Variants in BRAF observed in about 807,000 individuals in gnomAD.
BRAF encodes B-Raf proto-oncogene, serine/threonine kinase, also known as serine/threonine-protein kinase B-raf.
BRAF carries 16 observed loss-of-function variants against 104.6 expected under a neutral mutation model. That is an observed-to-expected ratio of 0.15 (90% CI 0.10 to 0.23). The LOEUF (loss-of-function observed/expected upper bound fraction) is 0.23, where lower values mean the gene tolerates loss of function less well. Among genes scored for constraint, BRAF ranks in the 10% least tolerant of loss-of-function variants. The pLI, the probability that BRAF is intolerant of heterozygous loss-of-function variation, is 1.00. For missense variants in BRAF, 541 were observed against 937.3 expected (o/e 0.58, Z 5.52); for synonymous variants, 310 against 341.6 (o/e 0.91, Z 1.02).
At chr7:140,919,356 A>G (rs191089626) in intron 1 of BRAF, among the ~76,000 whole-genome samples, 5 of 152,266 alleles carry the variant, frequency 3.3e-5, no homozygotes, top group Admixed American at 3.3e-4. Flanking sequence ...ATTGAGTTCA[A>G]AGCAATTTTT....
In BRAF at chr7:140,924,162, G is replaced by A. The variant is rs1322299885; in HGVS notation, c.138+404C>T. On this transcript the variant is annotated intron_variant, in intron 1 of 19. Coordinates refer to ENST00000644969, the MANE Select transcript of BRAF (RefSeq NM_001374258.1). This position sits in a 1 kb window ranked among gnomAD's most constrained non-coding sequence, Gnocchi z 4.2. ...ATTACACGCGACAGTAACTCGGGCT[G>A]TTGTCTCAGCCCCAGCAACTAACCT... 6.6e-6 allele frequency among the ~76,000 whole-genome samples: 1 copy of A among 152,182 alleles called. No individual in the cohort carries two copies.
intron 11 of BRAF, among the ~76,000 whole-genome samples, chr7:140,782,683 T>C (rs1427997501): frequency 6.6e-6 from 1 of 152,182 alleles, no homozygotes; most frequent in Non-Finnish European, 1.5e-5. Flanking sequence ...ATTTTTTAAA[T>C]AGGGAAGAAT....
At chr7:140,840,465 T>C (rs941951168) in intron 2 of BRAF, among the ~76,000 whole-genome samples, 1 of 151,942 alleles carries the variant, frequency 6.6e-6, no homozygotes, top group South Asian at 2.1e-4. Context: ...GAGAAAATAT[T>C]TGCAAGTCAT....
chr7:140,736,050 G>A (rs546147110), intron 18 of BRAF, among the ~76,000 whole-genome samples: 1 of 150,818 alleles, frequency 6.6e-6, no homozygotes, highest in African/African-American at 2.4e-5. Context: ...ACCACTGTTA[G>A]AGTCTATACT....
At chr7:140,728,189 A>T (rs1220158305) in intron 19 of BRAF, among the ~76,000 whole-genome samples, 1 of 152,152 alleles carries the variant, frequency 6.6e-6, no homozygotes, top group East Asian at 1.9e-4. Context: ...TCCAATTCTC[A>T]TGATAACCCT....
chr7:140,781,788 T>C (rs893493040), intron 11 of BRAF, 95 bp from the exon 11 acceptor site: 11 of 985,232 alleles, frequency 1.1e-5, no homozygotes, highest in African/African-American at 1.6e-5. Flanking sequence ...CTGAGAGGGA[T>C]ACAGGAAGAG....
intron 3 of BRAF, among the ~76,000 whole-genome samples, chr7:140,819,821 G>A (rs1207584150): frequency 1.3e-5 from 2 of 152,170 alleles, no homozygotes; most frequent in Non-Finnish European, 2.9e-5. Flanking sequence ...GTTACATAGG[G>A]ATGGGAGGAA....
At chr7:140,776,853 A>G in intron 14 of BRAF, 59 bp downstream of exon 13, 1 of 1,539,926 alleles carries the variant, frequency 6.5e-7, no homozygotes, top group South Asian at 1.1e-5. Context: ...CAAAACCTTT[A>G]AAACATCCTC....
Position 140,725,234 on chromosome 7 carries a change from G to C in BRAF, c.*1260C>G. The C allele has an allele frequency of 9.6e-7, 1 of 1,044,232 alleles. No homozygotes were observed. Among genetic ancestry groups the C allele is most frequent in the Non-Finnish European group, 1.2e-6 (1 of 865,772 alleles). The allele number at this position is 1,044,232 out of a possible 1,614,324, so 64.7% of individuals were successfully genotyped here. On this transcript the variant is annotated 3_prime_UTR_variant, in exon 20 of 20. Coordinates refer to ENST00000644969, the MANE Select transcript of BRAF (RefSeq NM_001374258.1). ...ATATAGTGTTAGGAATCAGTTGGAA[G>C]AAACAATGAGATTATTAGCAAAGAT...
At chr7:140,750,100 T>C (rs770568543) in intron 16 of BRAF, among the ~76,000 whole-genome samples, 5 of 152,256 alleles carry the variant, frequency 3.3e-5, no homozygotes, top group Non-Finnish European at 5.9e-5. Context: ...TCAGTCATTG[T>C]ATTGCACAAT....
At position 140,720,469 on chromosome 7, in the gene BRAF, C is replaced by T; in HGVS notation, c.*6025G>A. ...TTGGTCATTAACATGAATAAAAAGG[C>T]ATTATATGTTGATATAGCTGGTTTT... On this transcript the variant is annotated 3_prime_UTR_variant, in exon 20 of 20. Transcript: ENST00000644969. The T allele has an allele frequency of 9.4e-7, 1 of 1,063,692 alleles. No homozygotes were observed. Among genetic ancestry groups the T allele is most frequent in the Non-Finnish European group, 1.1e-6 (1 of 878,364 alleles). 65.9% of individuals were successfully genotyped at this position (1,063,692 alleles called of 1,614,324 possible). A position where few individuals can be genotyped will look rare whatever the true frequency, so the allele number is the denominator to read the frequency against.
At chr7:140,835,711 A>C (rs1807255175) in intron 2 of BRAF, 1 of 152,220 alleles carries the variant, frequency 6.6e-6, no homozygotes, top group African/African-American at 2.4e-5. Flanking sequence ...CAACCATACA[A>C]GATATCAAAT....
At chr7:140,811,571 T>G (rs1804269167) in intron 3 of BRAF, among the ~76,000 whole-genome samples, 1 of 152,206 alleles carries the variant, frequency 6.6e-6, no homozygotes, top group African/African-American at 2.4e-5. Context: ...GGATTTGATC[T>G]TATTTATACC....
chr7:140,809,058 T>A, intron 3 of BRAF, 63 bp from the exon 4 acceptor site: 1 of 1,343,196 alleles, frequency 7.4e-7, no homozygotes, highest in Non-Finnish European at 1.1e-6. Flanking sequence ...TTCATATCAT[T>A]AAAAAAATTT....
At chr7:140,825,040 GGCTCA>G (rs1401422836) in intron 3 of BRAF, among the ~76,000 whole-genome samples, 7 of 149,576 alleles carry the variant, frequency 4.7e-5, no homozygotes, top group African/African-American at 7.4e-5. Flanking sequence ...GCGCAATCTC[GGCTCA>G]CTGCAACCTC....
chr7:140,876,666 C>T (rs192397417), intron 1 of BRAF, among the ~76,000 whole-genome samples: 27 of 152,168 alleles, frequency 1.8e-4, no homozygotes, highest in Non-Finnish European at 3.5e-4. Context: ...TAAAAACTTA[C>T]AGAACATTAC....
In BRAF at chr7:140,872,524, A is replaced by G. The variant is rs149747914; in HGVS notation, c.139-22312T>C. Among the ~76,000 whole-genome samples, 527 of 152,266 alleles carry G rather than the reference A, an allele frequency of 3.5e-3. 3 individuals carry two copies. The highest frequency in any genetic ancestry group is 0.012 in the African/African-American group (501 of 41,562). ...AATTTCTCCTTGAGCCAAAAGGCAA[A>G]TAAGAGTCTTCAGAACCAAAGTTCC... is the stretch of plus-strand genomic sequence containing the variant. On this transcript the variant is annotated intron_variant, in intron 1 of 19. Transcript: ENST00000644969.
At chr7:140,884,375 C>G (rs1472639641) in intron 1 of BRAF, among the ~76,000 whole-genome samples, 1 of 150,448 alleles carries the variant, frequency 6.6e-6, no homozygotes, top group Non-Finnish European at 1.5e-5. Flanking sequence ...AAATCAGCTC[C>G]CCATTACAGG....
chr7:140,744,333 C>A (rs1009072100), intron 17 of BRAF, among the ~76,000 whole-genome samples: 1 of 152,278 alleles, frequency 6.6e-6, no homozygotes, highest in African/African-American at 2.4e-5. Context: ...CACATTGCTA[C>A]TGGAAGCTCT....
Sources: gnomAD v4.1 joint callset for allele counts (sites outside exome capture counted in the v4.1 genomes callset) on GRCh38, gnomAD v4.1.1 for gene constraint, Gnocchi (gnomAD v3.1) non-coding constraint, MANE v1.5 for transcripts, NCBI Gene and HGNC (gene_info 2026-07-23, HGNC 2026-07-21) for gene names.